Variants in CTNNA2 observed in about 807,000 individuals in gnomAD.
CTNNA2 encodes the protein catenin alpha-2.
CTNNA2 carries 42 observed loss-of-function variants against 101.0 expected under a neutral mutation model. That is an observed-to-expected ratio of 0.42 (90% confidence interval 0.32 to 0.54). CTNNA2 has a LOEUF of 0.54. Ranked by LOEUF, CTNNA2 falls within the 20% of genes least tolerant of loss-of-function variation. The pLI is 0.14. For synonymous variants in CTNNA2, 450 were observed against 456.4 expected (o/e 0.99, Z 0.18); for missense variants, 871 against 1,223.1 (o/e 0.71, Z 4.29).
chr2:79,219,407 T>C (rs1337503867), intron 2 of CTNNA2, among the ~76,000 whole-genome samples: 1 of 152,220 alleles, frequency 6.6e-6, no homozygotes, highest in African/African-American at 2.4e-5. Context: ...CATGTGACTA[T>C]TGAGTTCTTG....
chr2:80,638,532 GTTCCGAACT>G (rs1267160621), intron 18 of CTNNA2, among the ~76,000 whole-genome samples: 1 of 152,172 alleles, frequency 6.6e-6, no homozygotes, highest in Admixed American at 6.5e-5. Flanking sequence ...AGGTGGCCCT[GTTCCGAACT>G]TTCCAAGGGC....
At chr2:79,911,274 G>A (rs1210520283) in intron 7 of CTNNA2, among the ~76,000 whole-genome samples, 1 of 152,150 alleles carries the variant, frequency 6.6e-6, no homozygotes, top group Non-Finnish European at 1.5e-5. Context: ...AATAGCAAAG[G>A]GCTAATTACA....
At chr2:79,496,996 G>A (rs2103795861) in intron 4 of CTNNA2, among the ~76,000 whole-genome samples, 1 of 152,302 alleles carries the variant, frequency 6.6e-6, no homozygotes, top group Non-Finnish European at 1.5e-5. Context: ...ACAGCATACA[G>A]ATACTTTTTT....
chr2:79,848,759 T>G (rs1680442114), intron 3 of CTNNA2, among the ~76,000 whole-genome samples: 1 of 152,194 alleles, frequency 6.6e-6, no homozygotes, highest in South Asian at 2.1e-4. Context: ...CTTAATTATG[T>G]ACCTTGGGAA....
chr2:79,601,782 C>T (rs1221272886), intron 1 of CTNNA2, among the ~76,000 whole-genome samples: 1 of 152,206 alleles, frequency 6.6e-6, no homozygotes, highest in Non-Finnish European at 1.5e-5. Flanking sequence ...ATCACAATTA[C>T]AACTGAAAAT....
intron 7 of CTNNA2, among the ~76,000 whole-genome samples, chr2:80,104,353 G>A (rs1558812633): frequency 6.6e-6 from 1 of 152,144 alleles, no homozygotes; most frequent in Non-Finnish European, 1.5e-5. Context: ...CTGACTGAAG[G>A]CAAAGTGGGA....
chr2:80,352,682 T>C (rs1673419968), intron 7 of CTNNA2, among the ~76,000 whole-genome samples: 2 of 152,162 alleles, frequency 1.3e-5, no homozygotes, highest in South Asian at 4.1e-4. Flanking sequence ...TAATGGATTG[T>C]GGAAATATGC....
chr2:80,325,987 C>T (rs1386090577), intron 7 of CTNNA2, among the ~76,000 whole-genome samples: 1 of 152,114 alleles, frequency 6.6e-6, no homozygotes, highest in African/African-American at 2.4e-5. Flanking sequence ...TTTATTGAAC[C>T]TTAGTGAGCT....
intron 2 of CTNNA2, among the ~76,000 whole-genome samples, chr2:79,719,222 C>A (rs1007005079): frequency 2.0e-5 from 3 of 152,052 alleles, no homozygotes; most frequent in Admixed American, 6.6e-5. Context: ...CAGCTCTATA[C>A]ATGTTGCTTG....
At chr2:80,352,359 G>A (rs1301610167) in intron 7 of CTNNA2, among the ~76,000 whole-genome samples, 1 of 152,102 alleles carries the variant, frequency 6.6e-6, no homozygotes, top group Non-Finnish European at 1.5e-5. Context: ...CTAATGTAAT[G>A]GATATTGAAA....
intron 8 of CTNNA2, among the ~76,000 whole-genome samples, chr2:80,404,468 G>A (rs150027033): frequency 6.6e-6 from 1 of 152,132 alleles, no homozygotes; most frequent in South Asian, 2.1e-4. Context: ...CTTGAATAAG[G>A]TTATAATCTC....
chr2:79,717,828 T>C (rs1464601430), intron 2 of CTNNA2, among the ~76,000 whole-genome samples: 1 of 152,118 alleles, frequency 6.6e-6, no homozygotes, highest in Non-Finnish European at 1.5e-5. Context: ...TGTCAAAGCA[T>C]GGAGAGAGTG....
chr2:80,328,134 C>A (rs957473384), intron 7 of CTNNA2: 1 of 381,762 alleles, frequency 2.6e-6, no homozygotes, highest in African/African-American at 2.1e-5. Context: ...TTTACAGCAA[C>A]AAACTCTTTG....
chr2:80,582,590 T>C (rs1573356446), intron 14 of CTNNA2, among the ~76,000 whole-genome samples: 1 of 152,148 alleles, frequency 6.6e-6, no homozygotes, highest in African/African-American at 2.4e-5. Context: ...TAGGTGTACG[T>C]AATCAAGGCC....
intron 3 of CTNNA2, among the ~76,000 whole-genome samples, chr2:79,856,385 G>A (rs1681135224): frequency 6.6e-6 from 1 of 152,152 alleles, no homozygotes; most frequent in Non-Finnish European, 1.5e-5. Context: ...ACTAATTACA[G>A]GATGCACAGA....
At chr2:80,104,198 G>A (rs1206779404) in intron 7 of CTNNA2, among the ~76,000 whole-genome samples, 2 of 152,118 alleles carry the variant, frequency 1.3e-5, no homozygotes, top group Admixed American at 6.5e-5. Context: ...ACTTAGCTCC[G>A]CTCAAGAGTT....
chr2:80,351,640 G>C (rs1403907275), intron 7 of CTNNA2, among the ~76,000 whole-genome samples: 3 of 152,084 alleles, frequency 2.0e-5, no homozygotes, highest in African/African-American at 7.2e-5. Context: ...ACATGCATGG[G>C]GGGTAAGCAG....
At chr2:80,404,624 T>C (rs11692227) in intron 8 of CTNNA2, among the ~76,000 whole-genome samples, 42,866 of 152,076 alleles carry the variant, frequency 0.28, 10,029 homozygotes, top group African/African-American at 0.65. Context: ...ACTTATTTGT[T>C]AACTATCTTT....
At chr2:80,217,861 C>T (rs187287878) in intron 7 of CTNNA2, among the ~76,000 whole-genome samples, 5 of 152,130 alleles carry the variant, frequency 3.3e-5, no homozygotes, top group Admixed American at 6.5e-5. Flanking sequence ...CAGAGCAGAG[C>T]GCTCCCAGAA....
Sources: allele counts gnomAD v4.1 joint callset (sites outside exome capture counted in the v4.1 genomes callset), GRCh38; gene constraint gnomAD v4.1.1; transcripts MANE v1.5; gene names NCBI Gene and HGNC (gene_info 2026-07-23, HGNC 2026-07-21).